Variants in SHANK2 observed in about 807,000 individuals in gnomAD.
The protein encoded by SHANK2 is SH3 and multiple ankyrin repeat domains 2.
SHANK2 carries 43 observed loss-of-function variants against 133.7 expected under a neutral mutation model. The ratio of observed to expected loss-of-function variants is 0.32; its 90% confidence interval spans 0.25 to 0.41. SHANK2 has a LOEUF of 0.41. Among genes scored for constraint, SHANK2 ranks in the 10% least tolerant of loss-of-function variants. The pLI is 1.00. For synonymous variants in SHANK2, 1,017 were observed against 952.8 expected (o/e 1.07, Z -1.24); for missense variants, 1,994 against 2,235.8 (o/e 0.89, Z 2.18).
chr11:70,946,282 A>C (rs1335997553), intron 10 of SHANK2, among the ~76,000 whole-genome samples: 2 of 143,514 alleles, frequency 1.4e-5, no homozygotes, highest in African/African-American at 5.3e-5. Context: ...CCTCTCCACT[A>C]AACAACGCTT....
At chr11:70,592,409 A>T (rs1167699137) in intron 17 of SHANK2, among the ~76,000 whole-genome samples, 2 of 152,158 alleles carry the variant, frequency 1.3e-5, no homozygotes, top group Non-Finnish European at 2.9e-5. Flanking sequence ...TGGAGCTTCC[A>T]CGCAGGCTTT....
chr11:70,583,360 G>A (rs1374623503), intron 17 of SHANK2, among the ~76,000 whole-genome samples: 2 of 152,256 alleles, frequency 1.3e-5, no homozygotes, highest in South Asian at 2.1e-4. Context: ...AGATCCAGCC[G>A]CAGAACAGGG....
intron 17 of SHANK2, among the ~76,000 whole-genome samples, chr11:70,564,592 C>G (rs985217703): frequency 1.3e-5 from 2 of 152,082 alleles, no homozygotes; most frequent in Admixed American, 1.3e-4. Context: ...CCCCTACAAT[C>G]GCCCCCTCTT....
intron 14 of SHANK2, among the ~76,000 whole-genome samples, chr11:70,699,795 T>C (rs1270611206): frequency 6.6e-6 from 1 of 152,224 alleles, no homozygotes; most frequent in Non-Finnish European, 1.5e-5. Context: ...GTGTTGCCCT[T>C]GAGGGCAGGA....
intron 25 of SHANK2, among the ~76,000 whole-genome samples, chr11:70,478,448 G>A (rs1265210844): frequency 2.0e-5 from 3 of 152,174 alleles, no homozygotes; most frequent in African/African-American, 2.4e-5. Context: ...CCAGCACACC[G>A]CACGCCTCTG....
chr11:70,929,693 C>A (rs147073515), intron 10 of SHANK2, among the ~76,000 whole-genome samples: 1 of 152,316 alleles, frequency 6.6e-6, no homozygotes, highest in Non-Finnish European at 1.5e-5. Flanking sequence ...CTCAGATAGT[C>A]CAAAACTATC....
At chr11:70,571,477 T>A (rs553359381) in intron 17 of SHANK2, 1 of 152,362 alleles carries the variant, frequency 6.6e-6, no homozygotes, top group South Asian at 2.1e-4. Context: ...TTCTTTGAAA[T>A]AAAATGTTCA....
intron 10 of SHANK2, among the ~76,000 whole-genome samples, chr11:70,907,393 C>A (rs1950122911): frequency 6.6e-6 from 1 of 152,166 alleles, no homozygotes; most frequent in Admixed American, 6.5e-5. Context: ...GTGCGGTGGT[C>A]AGGACCACAG....
intron 10 of SHANK2, among the ~76,000 whole-genome samples, chr11:70,951,517 T>C (rs112257894): frequency 0.92 from 136,170 of 147,572 alleles, 63,663 homozygotes; most frequent in East Asian, 0.99. Context: ...CTGGCTGCTG[T>C]GCTGTGATGT....
At chr11:71,148,628 G>T (rs1952701982) in intron 2 of SHANK2, among the ~76,000 whole-genome samples, 1 of 152,218 alleles carries the variant, frequency 6.6e-6, no homozygotes, top group African/African-American at 2.4e-5. Context: ...ATAGAAGATT[G>T]TTCCCTGCCA....
chr11:70,869,629 CTG>C (rs1949426363), intron 11 of SHANK2, among the ~76,000 whole-genome samples: 1 of 152,182 alleles, frequency 6.6e-6, no homozygotes, highest in African/African-American at 2.4e-5. Context: ...TCTGTCTGCT[CTG>C]TGTCCTGGGC....
chr11:70,494,183 C>T (rs2058936310), intron 21 of SHANK2, among the ~76,000 whole-genome samples: 1 of 152,288 alleles, frequency 6.6e-6, no homozygotes, highest in African/African-American at 2.4e-5. Context: ...GCAGCTGAGA[C>T]GTACACAACT....
intron 17 of SHANK2, among the ~76,000 whole-genome samples, chr11:70,650,117 G>A (rs1475096308): frequency 6.6e-6 from 1 of 152,224 alleles, no homozygotes; most frequent in African/African-American, 2.4e-5. Context: ...GGCAACCTGA[G>A]GGTGCCAAGA....
rs868987076 is a variant in SHANK2, at chr11:70,816,843, C to A, written c.1493+3521G>T. 3.2e-4 allele frequency among the ~76,000 whole-genome samples: 48 copies of A among 152,294 alleles called. No homozygotes were observed. The Middle Eastern group carries it at 0.017, about 54-fold the overall frequency. ...CAGGAAGCAGACAGCTCTAGCCAGG[C>A]CCCCCTCCCCTGGCTGTACCTTGTT... On this transcript the variant is annotated intron_variant, in intron 12 of 25. Transcript: ENST00000601538.
chr11:70,792,145 A>T (rs1375470495), intron 14 of SHANK2, among the ~76,000 whole-genome samples: 2 of 152,110 alleles, frequency 1.3e-5, no homozygotes, highest in African/African-American at 2.4e-5. Flanking sequence ...CCAATCAGTC[A>T]GTCAGCCAAC....
At chr11:70,844,251 G>T (rs1948960277) in intron 11 of SHANK2, among the ~76,000 whole-genome samples, 1 of 152,254 alleles carries the variant, frequency 6.6e-6, no homozygotes, top group African/African-American at 2.4e-5. Flanking sequence ...TCTAATGAAT[G>T]CCCCATTTTC....
At chr11:70,490,926 G>A (rs940263648) in intron 22 of SHANK2, among the ~76,000 whole-genome samples, 3 of 152,222 alleles carry the variant, frequency 2.0e-5, no homozygotes, top group Non-Finnish European at 4.4e-5. Context: ...AGCATGATGT[G>A]CCAGCTAGCT....
intron 10 of SHANK2, among the ~76,000 whole-genome samples, chr11:70,929,252 C>T (rs558049536): frequency 6.6e-6 from 1 of 152,214 alleles, no homozygotes; most frequent in African/African-American, 2.4e-5. Context: ...TGTGGCTCTG[C>T]CCCGAGGCAC....
At chr11:71,069,059 TACCATC>T (rs1303244289) in intron 9 of SHANK2, among the ~76,000 whole-genome samples, 2 of 124,066 alleles carry the variant, frequency 1.6e-5, no homozygotes, top group South Asian at 2.6e-4. Flanking sequence ...TCACCATGAT[TACCATC>T]ACCATCACCA....
Sources: gnomAD v4.1 joint callset for allele counts (sites outside exome capture counted in the v4.1 genomes callset) on GRCh38, gnomAD v4.1.1 for gene constraint, MANE v1.5 for transcripts, NCBI Gene and HGNC (gene_info 2026-07-23, HGNC 2026-07-21) for gene names.